Variants in THRB observed in about 807,000 individuals in gnomAD.
The protein encoded by THRB is nuclear receptor subfamily 1 group A member 2.
In THRB, 12 loss-of-function variants were observed where a neutral mutation model predicts 47.8. That is an observed-to-expected ratio of 0.25 (90% CI 0.16 to 0.41). The LOEUF (loss-of-function observed/expected upper bound fraction) is 0.41. Ranked by LOEUF, THRB falls within the 10% of genes least tolerant of loss-of-function variation. THRB has a pLI of 1.00. For missense variants in THRB, 348 were observed against 589.2 expected, an observed-to-expected ratio of 0.59 and a Z score of 4.24; for synonymous variants, 218 against 212.2, an observed-to-expected ratio of 1.03 and a Z score of -0.24.
chr3:24,188,762 A>ACACGTG (rs1491008397), intron 5 of THRB, among the ~76,000 whole-genome samples: 2 of 150,322 alleles, frequency 1.3e-5, no homozygotes, highest in Non-Finnish European at 3.0e-5. Context: ...ACACGTGCAC[A>ACACGTG]CACACACACA....
At chr3:24,470,717 A>C (rs947587958) in intron 1 of THRB, among the ~76,000 whole-genome samples, 1 of 152,146 alleles carries the variant, frequency 6.6e-6, no homozygotes, top group African/African-American at 2.4e-5. Context: ...CTCAGGTTCA[A>C]GCAATTCTCC....
chr3:24,232,616 G>A (rs2048365502), intron 3 of THRB, among the ~76,000 whole-genome samples: 1 of 152,124 alleles, frequency 6.6e-6, no homozygotes, highest in Non-Finnish European at 1.5e-5. Flanking sequence ...AGAAAAACTG[G>A]GTGGTGCCTT....
chr3:24,165,244 G>A (rs143423077), intron 5 of THRB: 3 of 764,984 alleles, frequency 3.9e-6, no homozygotes, highest in Admixed American at 1.7e-5. Flanking sequence ...CATCGCAACC[G>A]CTGTAACCCG....
At chr3:24,478,754 C>T (rs1249099615) in intron 1 of THRB, among the ~76,000 whole-genome samples, 1 of 151,982 alleles carries the variant, frequency 6.6e-6, no homozygotes, top group South Asian at 2.1e-4. Flanking sequence ...GGAAACATCT[C>T]CCCCTACCCC....
intron 1 of THRB, among the ~76,000 whole-genome samples, chr3:24,388,233 T>A (rs1268437958): frequency 6.6e-6 from 1 of 152,098 alleles, no homozygotes; most frequent in African/African-American, 2.4e-5. Context: ...TTGGAACAAC[T>A]CTGAAGGGCT....
chr3:24,159,690 T>G (rs2038462791), intron 5 of THRB, among the ~76,000 whole-genome samples: 1 of 151,908 alleles, frequency 6.6e-6, no homozygotes, highest in South Asian at 2.1e-4. Flanking sequence ...AGGGGACATT[T>G]GGCGAAGTCT....
intron 3 of THRB, among the ~76,000 whole-genome samples, chr3:24,284,774 C>G (rs936166146): frequency 1.3e-5 from 2 of 150,390 alleles, no homozygotes; most frequent in African/African-American, 5.0e-5. Flanking sequence ...GGGCAGAGGA[C>G]ATGAACAGAC....
At chr3:24,165,402 G>A (rs751835324) in intron 5 of THRB, 3 of 721,698 alleles carry the variant, frequency 4.2e-6, no homozygotes, top group Non-Finnish European at 7.6e-6. Flanking sequence ...CACAGTCTAC[G>A]CATGCATTCT....
At chr3:24,319,866 A>G (rs2058367506) in intron 2 of THRB, among the ~76,000 whole-genome samples, 2 of 152,224 alleles carry the variant, frequency 1.3e-5, no homozygotes, top group South Asian at 4.1e-4. Flanking sequence ...AAGCTGACAC[A>G]TGTTCCAGTG....
At chr3:24,336,952 G>C (rs2062300676) in intron 2 of THRB, among the ~76,000 whole-genome samples, 1 of 152,020 alleles carries the variant, frequency 6.6e-6, no homozygotes, top group Non-Finnish European at 1.5e-5. Context: ...TCGATCTCCT[G>C]ACCTCATGAT....
rs150245095 is a variant in THRB at position 24,260,883 on chromosome 3, A to C, written c.-42-31882T>G. 8.1e-3 allele frequency among the ~76,000 whole-genome samples: 1,237 copies of C among 152,342 alleles called. 21 individuals are homozygous for C. The highest frequency in any genetic ancestry group is 0.028 in the African/African-American group (1,150 of 41,582). On this transcript the variant is annotated intron_variant, in intron 3 of 10. Coordinates refer to ENST00000646209, the MANE Select transcript of THRB (RefSeq NM_001354712.2). The stretch of plus-strand genomic sequence containing the variant: ...CTATACCTACGTATTCTATTACCAC[A>C]GATCAGACTTTACATCAAAATCACC...
chr3:24,479,474 G>GGA (rs1008021205), intron 1 of THRB, among the ~76,000 whole-genome samples: 12 of 152,196 alleles, frequency 7.9e-5, no homozygotes, highest in Non-Finnish European at 1.3e-4. Context: ...CAAGCTATTA[G>GGA]GAGAGAGAGC....
chr3:24,189,432 T>C (rs182747767), intron 5 of THRB, among the ~76,000 whole-genome samples: 1 of 152,276 alleles, frequency 6.6e-6, no homozygotes, highest in East Asian at 1.9e-4. Flanking sequence ...AATAAAGCGA[T>C]CAGCACAAAG....
intron 1 of THRB, among the ~76,000 whole-genome samples, chr3:24,492,876 C>T (rs539718792): frequency 5.3e-5 from 8 of 152,296 alleles, no homozygotes; most frequent in Non-Finnish European, 8.8e-5. Context: ...CTTTAAAAAA[C>T]CAGTTCTGTA....
At chr3:24,303,048 G>A (rs149324354) in intron 2 of THRB, among the ~76,000 whole-genome samples, 419 of 152,268 alleles carry the variant, frequency 2.8e-3, no homozygotes, top group Admixed American at 4.3e-3. Context: ...AACAAAAAAG[G>A]TAATATTTCT....
At chr3:24,321,585 G>A (rs538052035) in intron 2 of THRB, among the ~76,000 whole-genome samples, 18 of 152,064 alleles carry the variant, frequency 1.2e-4, no homozygotes, top group African/African-American at 2.7e-4. Flanking sequence ...GGCTTCTAAG[G>A]TTTCATAAAT....
At chr3:24,419,393 T>G (rs1243913530) in intron 1 of THRB, among the ~76,000 whole-genome samples, 1 of 151,818 alleles carries the variant, frequency 6.6e-6, no homozygotes, top group Non-Finnish European at 1.5e-5. Flanking sequence ...TTCCTATCCT[T>G]CCTCTTACTT....
At chr3:24,126,531 T>C (rs1418260825) in intron 10 of THRB, among the ~76,000 whole-genome samples, 1 of 152,180 alleles carries the variant, frequency 6.6e-6, no homozygotes, top group Non-Finnish European at 1.5e-5. Context: ...CTGGCCTAGG[T>C]GCTGGATGTA....
intron 1 of THRB, among the ~76,000 whole-genome samples, chr3:24,479,340 AAT>A: frequency 6.6e-6 from 1 of 152,248 alleles, no homozygotes; most frequent in Middle Eastern, 3.4e-3. Context: ...AAATTCCTAA[AAT>A]ATCCTATATT....
Sources: allele counts gnomAD v4.1 joint callset (sites outside exome capture counted in the v4.1 genomes callset), GRCh38; gene constraint gnomAD v4.1.1; transcripts MANE v1.5; gene names NCBI Gene and HGNC (gene_info 2026-07-23, HGNC 2026-07-21).